The following PRR16 variants were observed in gnomAD, a reference collection of about 807,000 sequenced individuals.
The protein encoded by PRR16 is protein Largen.
PRR16 carries 6 observed loss-of-function variants against 18.2 expected under a neutral mutation model. That is an observed-to-expected ratio of 0.33 (90% CI 0.18 to 0.65). The LOEUF is 0.65. Ranked by LOEUF, PRR16 falls within the 30% of genes least tolerant of loss-of-function variation. The pLI is 0.74. For synonymous variants in PRR16, 151 were observed against 147.8 expected (o/e 1.02, Z -0.16); for missense variants, 412 against 376.6 (o/e 1.09, Z -0.78).
the PRR16 span, among the ~76,000 whole-genome samples, chr5:120,772,135 G>C: frequency 6.6e-6 from 1 of 152,086 alleles, no homozygotes; most frequent in Non-Finnish European, 1.5e-5. Flanking sequence ...TCCTATCTCT[G>C]AGATTTGACA....
chr5:120,743,902 C>G, the PRR16 span, among the ~76,000 whole-genome samples: 20 of 151,838 alleles, frequency 1.3e-4, no homozygotes, highest in African/African-American at 4.8e-4. Flanking sequence ...TCATTTTTAC[C>G]TATTATTTTC....
the PRR16 span, among the ~76,000 whole-genome samples, chr5:120,786,542 T>A: frequency 1.4e-5 from 2 of 145,868 alleles, no homozygotes; most frequent in Non-Finnish European, 3.0e-5. Flanking sequence ...TATATTATTT[T>A]AAATTAAGTA....
the PRR16 span, among the ~76,000 whole-genome samples, chr5:120,718,217 T>C: frequency 6.6e-6 from 1 of 152,110 alleles, no homozygotes; most frequent in Non-Finnish European, 1.5e-5. Context: ...TCATTTACCA[T>C]TTCTGTGGCC....
chr5:120,685,901 G>C lies in PRR16; in HGVS notation c.160-53G>C. On this transcript the variant is annotated intron_variant, in intron 1 of 1. Transcript: ENST00000407149. ...CCTAGACAAAAATAAATTGTTTCTA[G>C]TATACTTTGTTTGGGTCATTCTTCA... 3.3e-6 allele frequency: 5 copies of C among 1,522,442 alleles called. No individual in the cohort carries two copies. The Middle Eastern group carries it at 5.3e-4, about 162-fold the overall frequency. The allele number at this position is 1,522,442 out of a possible 1,614,324, so 94.3% of individuals were successfully genotyped here. A position where few individuals can be genotyped will look rare whatever the true frequency, so the allele number is the denominator to read the frequency against.
chr5:120,702,215 CAG>C, the PRR16 span, among the ~76,000 whole-genome samples: 5 of 127,984 alleles, frequency 3.9e-5, no homozygotes, highest in Non-Finnish European at 6.5e-5. Flanking sequence ...GGATGGGGCT[CAG>C]AAATAAGGGG....
At chr5:120,717,092 T>G in the PRR16 span, among the ~76,000 whole-genome samples, 4 of 152,154 alleles carry the variant, frequency 2.6e-5, no homozygotes, top group Non-Finnish European at 5.9e-5. Flanking sequence ...AGTATTTTGA[T>G]GTTAAGTTGT....
the PRR16 span, among the ~76,000 whole-genome samples, chr5:120,763,425 C>T: frequency 7.2e-5 from 11 of 152,206 alleles, no homozygotes; most frequent in East Asian, 7.7e-4. Flanking sequence ...TGAGCCACCA[C>T]GCCTGGCCTG....
At chr5:120,625,363 T>C (rs1754830005) in intron 1 of PRR16, among the ~76,000 whole-genome samples, 1 of 152,182 alleles carries the variant, frequency 6.6e-6, no homozygotes, top group South Asian at 2.1e-4. Context: ...AAGATCTTGC[T>C]GTGTTGCCCA....
rs1303886044 is a variant in PRR16, at chr5:120,629,195, G to T, written c.160-56759G>T. On this transcript the variant is annotated intron_variant, in intron 1 of 1. Coordinates refer to ENST00000407149, the MANE Select transcript of PRR16 (RefSeq NM_001300783.2). ...AATGGCCTCCAGCTCCATCCTTTGA[G>T]ATTTGCAAAGGACATGATTTTATTC... 2.6e-5 allele frequency among the ~76,000 whole-genome samples: 4 copies of T among 152,110 alleles called. No homozygotes were observed. The East Asian group carries it at 7.7e-4, about 29-fold the overall frequency.
chr5:120,465,689 A>G (rs1268600224), intron 1 of PRR16: 2 of 148,294 alleles, frequency 1.3e-5, no homozygotes, highest in South Asian at 4.3e-4. Flanking sequence ...TCACTACTGA[A>G]TGGGGTCCTG....
the PRR16 span, among the ~76,000 whole-genome samples, chr5:120,751,747 A>G: frequency 7.1e-6 from 1 of 141,558 alleles, no homozygotes; most frequent in South Asian, 2.3e-4. Flanking sequence ...AAATGAACCA[A>G]TCATATGGAA....
At chr5:120,775,335 A>C in the PRR16 span, among the ~76,000 whole-genome samples, 2 of 152,144 alleles carry the variant, frequency 1.3e-5, no homozygotes, top group East Asian at 1.9e-4. Flanking sequence ...TATCAGTCCA[A>C]GTCACTAGAC....
the PRR16 span, among the ~76,000 whole-genome samples, chr5:120,738,402 T>A: frequency 1.8e-3 from 273 of 151,972 alleles, 3 homozygotes; most frequent in East Asian, 0.036. Flanking sequence ...GAAAAAAAAA[T>A]TTTTTATTTA....
the PRR16 span, among the ~76,000 whole-genome samples, chr5:120,772,184 C>T: frequency 5.9e-5 from 9 of 152,060 alleles, no homozygotes; most frequent in African/African-American, 2.2e-4. Flanking sequence ...ATATGCAAAA[C>T]TCAAAACATG....
chr5:120,535,734 A>C (rs1580697935), intron 1 of PRR16, among the ~76,000 whole-genome samples: 2 of 152,188 alleles, frequency 1.3e-5, no homozygotes, highest in East Asian at 3.9e-4. Flanking sequence ...TGGGAGGCGG[A>C]GGTTGCAGTG....
the PRR16 span, among the ~76,000 whole-genome samples, chr5:120,716,244 A>G: frequency 1.3e-5 from 2 of 152,136 alleles, no homozygotes; most frequent in African/African-American, 4.8e-5. Context: ...ACCAGCAGAG[A>G]TCTGTCTTCC....
At chr5:120,644,598 C>T (rs1274545191) in intron 1 of PRR16, among the ~76,000 whole-genome samples, 1 of 152,038 alleles carries the variant, frequency 6.6e-6, no homozygotes, top group Non-Finnish European at 1.5e-5. Flanking sequence ...TTTATATTTC[C>T]ACTCAATCTT....
chr5:120,644,079 A>G (rs62377786), intron 1 of PRR16, among the ~76,000 whole-genome samples: 9,367 of 152,092 alleles, frequency 0.062, 383 homozygotes, highest in East Asian at 0.14. Flanking sequence ...GAGCTCAATG[A>G]CTTGGGTTCT....
the PRR16 span, among the ~76,000 whole-genome samples, chr5:120,738,305 C>T: frequency 6.6e-6 from 1 of 151,852 alleles, no homozygotes; most frequent in Non-Finnish European, 1.5e-5. Flanking sequence ...TTAAATATTT[C>T]ATTAAGTTGG....
Sources: gnomAD v4.1 joint callset for allele counts (sites outside exome capture counted in the v4.1 genomes callset) on GRCh38, gnomAD v4.1.1 for gene constraint, MANE v1.5 for transcripts, NCBI Gene and HGNC (gene_info 2026-07-23, HGNC 2026-07-21) for gene names.